The following CSMD1 variants were observed in gnomAD, a reference collection of about 807,000 sequenced individuals.
The protein encoded by CSMD1 is CUB and sushi domain-containing protein 1.
A neutral mutation model predicts 417.5 loss-of-function variants in CSMD1; 213 were observed. The observed-to-expected ratio is 0.51, with a 90% confidence interval of 0.46 to 0.57. The LOEUF (loss-of-function observed/expected upper bound fraction) is 0.57. CSMD1 is among the 20% of genes least tolerant of loss of function. CSMD1 has a pLI of 0.00. For synonymous variants in CSMD1, 2,862 were observed against 1,736.8 expected (o/e 1.65, Z -16.11); for missense variants, 6,923 against 4,529.7 (o/e 1.53, Z -15.17).
intron 23 of CSMD1, among the ~76,000 whole-genome samples, chr8:3,308,732 G>GTGTTTTTTTTTTTTTT (rs1805090018): frequency 3.7e-5 from 4 of 108,930 alleles, no homozygotes; most frequent in African/African-American, 1.4e-4. Context: ...CTACTTACAA[G>GTGTTTTTTTTTTTTTT]TTTTTTTTTT....
In CSMD1 at chr8:3,284,265, C is replaced by T; in HGVS notation, c.4032G>A (p.Leu1344=). ...GGGCGGAGCCACTCCACTCCTTCAG[C>T]AGGATGTCACTGTCCACCGGCCCGT... is the stretch of plus-strand genomic sequence containing the variant. ...VWDGPVDSDI[L]LKEWSGSALP... The change falls in exon 26 of 70, where the codon CTG becomes CTA. Residue 1344 remains leucine (L), a synonymous_variant. Coordinates refer to ENST00000635120, the MANE Select transcript of CSMD1 (RefSeq NM_033225.6). The T allele has an allele frequency of 6.2e-7, 1 of 1,613,910 alleles. No individual in the cohort carries two copies. Among genetic ancestry groups the T allele is most frequent in the Non-Finnish European group, 8.5e-7 (1 of 1,179,854 alleles).
At chr8:4,276,743 G>C (rs578222723) in intron 3 of CSMD1, among the ~76,000 whole-genome samples, 1 of 152,248 alleles carries the variant, frequency 6.6e-6, no homozygotes, top group South Asian at 2.1e-4. Context: ...ATGTATATGT[G>C]TTTTGATGTT....
chr8:4,260,264 T>A (rs1220658911), intron 3 of CSMD1, among the ~76,000 whole-genome samples: 2 of 152,214 alleles, frequency 1.3e-5, no homozygotes, highest in Middle Eastern at 6.3e-3. Context: ...TTATTACTAG[T>A]GAAATTAATG....
At chr8:3,625,134 T>G (rs1233495600) in intron 7 of CSMD1, among the ~76,000 whole-genome samples, 1 of 152,174 alleles carries the variant, frequency 6.6e-6, no homozygotes, top group Admixed American at 6.6e-5. Context: ...GTAGCTGTTT[T>G]TTCTCTCATA....
chr8:4,204,785 G>A (rs998151490), intron 3 of CSMD1, among the ~76,000 whole-genome samples: 1 of 152,094 alleles, frequency 6.6e-6, no homozygotes, highest in South Asian at 2.1e-4. Flanking sequence ...CTCCTGAGTA[G>A]CTGAGACCAC....
intron 48 of CSMD1, 96 bp from the exon 49 acceptor site, chr8:3,087,381 A>C: frequency 1.6e-6 from 2 of 1,289,460 alleles, no homozygotes; most frequent in Non-Finnish European, 2.2e-6. Flanking sequence ...ATGGCTTCTC[A>C]TTTCCAAAAG....
intron 26 of CSMD1, 41 bp from the exon 27 acceptor site, chr8:3,230,272 A>G (rs777064029): frequency 3.5e-5 from 52 of 1,485,726 alleles, no homozygotes; most frequent in Non-Finnish European, 4.6e-5. Context: ...GCTGGAAAAC[A>G]TGGTTTCCAC....
At chr8:3,862,143 A>G (rs1804758010) in intron 5 of CSMD1, among the ~76,000 whole-genome samples, 1 of 152,086 alleles carries the variant, frequency 6.6e-6, no homozygotes, top group Admixed American at 6.6e-5. Context: ...TGTGAATTTA[A>G]TTCAGTTCTC....
At chr8:3,487,119 A>G (rs1818083347) in intron 11 of CSMD1, among the ~76,000 whole-genome samples, 1 of 152,196 alleles carries the variant, frequency 6.6e-6, no homozygotes, top group African/African-American at 2.4e-5. Flanking sequence ...GTGTACTAGC[A>G]TTATACAGAA....
chr8:4,884,019 A>G (rs193104845), intron 1 of CSMD1, among the ~76,000 whole-genome samples: 7 of 152,156 alleles, frequency 4.6e-5, no homozygotes, highest in African/African-American at 1.7e-4. Flanking sequence ...TTTTGATAAT[A>G]GCCTTCGTAG....
intron 40 of CSMD1, among the ~76,000 whole-genome samples, chr8:3,148,168 AG>A (rs948334743): frequency 2.2e-4 from 33 of 152,208 alleles, no homozygotes; most frequent in African/African-American, 7.0e-4. Context: ...GAGATCAAAA[AG>A]GGGAGAAATC....
chr8:4,097,422 C>T (rs900108905), intron 3 of CSMD1, among the ~76,000 whole-genome samples: 2 of 152,146 alleles, frequency 1.3e-5, no homozygotes, highest in African/African-American at 4.8e-5. Flanking sequence ...ACGTTGTATA[C>T]ATATACGCTA....
chr8:4,644,428 G>C (rs1042398158), intron 1 of CSMD1, among the ~76,000 whole-genome samples: 7 of 150,978 alleles, frequency 4.6e-5, no homozygotes, highest in African/African-American at 1.5e-4. Flanking sequence ...TTTTTTTTGA[G>C]ACAGAGTCTC....
chr8:3,827,120 A>G (rs191780468), intron 5 of CSMD1, among the ~76,000 whole-genome samples: 1 of 152,166 alleles, frequency 6.6e-6, no homozygotes, highest in East Asian at 1.9e-4. Context: ...TAAAAACCGT[A>G]AAAGAAAAAC....
intron 5 of CSMD1, among the ~76,000 whole-genome samples, chr8:3,947,674 GATAAT>G (rs751564620): frequency 4.6e-5 from 7 of 152,118 alleles, no homozygotes; most frequent in Non-Finnish European, 8.8e-5. Context: ...GTTGTGATAA[GATAAT>G]ATAACATAGT....
At chr8:4,519,512 G>T (rs559058250) in intron 2 of CSMD1, among the ~76,000 whole-genome samples, 2 of 151,706 alleles carry the variant, frequency 1.3e-5, no homozygotes, top group African/African-American at 4.8e-5. Context: ...GGCCAAGCAG[G>T]GTGGATCATC....
chr8:3,401,943 C>G (rs1812063590), intron 15 of CSMD1, among the ~76,000 whole-genome samples: 1 of 147,328 alleles, frequency 6.8e-6, no homozygotes, highest in Non-Finnish European at 1.5e-5. Flanking sequence ...GTTTAGAAAG[C>G]AATTTCTTCT....
chr8:3,339,697 C>G (rs1027525008), intron 23 of CSMD1, among the ~76,000 whole-genome samples: 3 of 152,298 alleles, frequency 2.0e-5, no homozygotes, highest in African/African-American at 7.2e-5. Context: ...TGTGGACCCT[C>G]AGTGTCACCA....
At chr8:3,206,049 T>C (rs1370922715) in intron 30 of CSMD1, among the ~76,000 whole-genome samples, 1 of 152,060 alleles carries the variant, frequency 6.6e-6, no homozygotes, top group Non-Finnish European at 1.5e-5. Flanking sequence ...AAAGGAAAAA[T>C]GTTTTGTTTT....
Sources: allele counts gnomAD v4.1 joint callset (sites outside exome capture counted in the v4.1 genomes callset), GRCh38; gene constraint gnomAD v4.1.1; transcripts MANE v1.5; gene names NCBI Gene and HGNC (gene_info 2026-07-23, HGNC 2026-07-21).